GNB5: variants seen among roughly 807,000 people sequenced by gnomAD.
The protein encoded by GNB5 is G protein subunit beta 5.
A neutral mutation model predicts 55.3 loss-of-function variants in GNB5; 37 were observed. That is an observed-to-expected ratio of 0.67 (90% CI 0.51 to 0.88). The LOEUF is 0.88. GNB5 is among the 40% of genes least tolerant of loss of function. The pLI is 0.00. For missense variants in GNB5, 476 were observed against 515.3 expected (o/e 0.92, Z 0.74); for synonymous variants, 219 against 198.5 (o/e 1.10, Z -0.87).
At position 52,150,699 on chromosome 15, in the gene GNB5, C is replaced by G. The variant is rs532895647; in HGVS notation, c.376-774G>C. ...TCACTGTAACCCAGCTGTGGCCTCC[C>G]ATGGGTGTGGGTTGTGACTACAGCA... On this transcript the variant is annotated intron_variant, in intron 4 of 12. Transcript: ENST00000261837. 1.0e-3 allele frequency among the ~76,000 whole-genome samples: 156 copies of G among 152,250 alleles called. 4 individuals are homozygous for G. The South Asian group carries it at 0.031, about 31-fold the overall frequency.
chr15:52,178,911 C>T (rs906335198), intron 3 of GNB5, among the ~76,000 whole-genome samples: 1 of 152,204 alleles, frequency 6.6e-6, no homozygotes, highest in East Asian at 1.9e-4. Context: ...GGAGATGCCA[C>T]CCTCAGAGCT....
At chr15:52,140,684 A>G (rs2033831841) in intron 7 of GNB5, among the ~76,000 whole-genome samples, 1 of 152,262 alleles carries the variant, frequency 6.6e-6, no homozygotes, top group Admixed American at 6.5e-5. Context: ...TTTTCACTGT[A>G]GTGTATTTAA....
rs1243957202 is a variant in GNB5, at chr15:52,117,089, A to AATTTATATATATATATATATAT, written c.*5667_*5668insATATATATATATATATATAAAT. 2 of 85,478 alleles carry AATTTATATATATATATATATAT rather than the reference A, an allele frequency of 2.3e-5. No homozygotes were observed. Among genetic ancestry groups the AATTTATATATATATATATATAT allele is most frequent in the South Asian group, 3.4e-4 (1 of 2,916 alleles). 5.3% of individuals were successfully genotyped at this position (85,478 alleles called of 1,614,324 possible). A position where few individuals can be genotyped will look rare whatever the true frequency, so the allele number is the denominator to read the frequency against. ...CAGGCACCTGCCACCACGCCCAGCT[A>AATTTATATATATATATATATAT]ATATATATATATATTTTTTTTTAGT... On this transcript the variant is annotated 3_prime_UTR_variant, in exon 13 of 13. Coordinates refer to ENST00000261837, the MANE Select transcript of GNB5 (RefSeq NM_016194.4).
chr15:52,133,259 C>T (rs1380838627), intron 9 of GNB5, 119 bp downstream of exon 9: 7 of 650,392 alleles, frequency 1.1e-5, no homozygotes, highest in South Asian at 3.7e-5. Context: ...CCTTTCTTCC[C>T]GGGGAGGCCT....
intron 3 of GNB5, 125 bp downstream of exon 3, chr15:52,179,643 C>G: frequency 2.3e-6 from 1 of 437,814 alleles, no homozygotes; most frequent in South Asian, 9.2e-5. Flanking sequence ...GGGCCCTGCT[C>G]CCGGGCGGTG....
In GNB5 at chr15:52,117,889, T is replaced by G. The variant is rs111842507; in HGVS notation, c.*4868A>C. 2.5e-3 allele frequency: 379 copies of G among 152,712 alleles called. 5 individuals carry two copies. Among genetic ancestry groups the G allele is most frequent in the African/African-American group, 8.1e-3 (336 of 41,596 alleles). 9.5% of individuals were successfully genotyped at this position (152,712 alleles called of 1,614,324 possible). On this transcript the variant is annotated 3_prime_UTR_variant, in exon 13 of 13. Transcript: ENST00000261837. Reference sequence around the variant, plus strand: ...GAACCTGCCATGGGTGGGACGATTCTTCTCAGCAGGCAAGTTTGGGAAATG... The same window carrying G: ...GAACCTGCCATGGGTGGGACGATTCGTCTCAGCAGGCAAGTTTGGGAAATG...
rs1291492301 is a variant in GNB5 at position 52,119,234 on chromosome 15, G to C, written c.*3523C>G. On this transcript the variant is annotated 3_prime_UTR_variant, in exon 13 of 13. Coordinates refer to ENST00000261837, the MANE Select transcript of GNB5 (RefSeq NM_016194.4). ...AAAGGAGTCCGGATGAATGAGGAGA[G>C]GGGGAGGGGGCAGAGAAGAGGAAAG... 1 of 131,022 alleles carries C rather than the reference G, an allele frequency of 7.6e-6. No homozygotes were observed. Among genetic ancestry groups the C allele is most frequent in the Non-Finnish European group, 1.6e-5 (1 of 62,192 alleles). The allele number at this position is 131,022 out of a possible 1,614,324, so 8.1% of individuals were successfully genotyped here.
chr15:52,145,457 T>A (rs1011719823), intron 6 of GNB5, among the ~76,000 whole-genome samples: 2 of 150,238 alleles, frequency 1.3e-5, no homozygotes, highest in Admixed American at 1.4e-4. Flanking sequence ...CTGGCCAACA[T>A]GGTAAAACCC....
At chr15:52,156,821 C>T (rs1408738489) in intron 3 of GNB5, among the ~76,000 whole-genome samples, 1 of 152,170 alleles carries the variant, frequency 6.6e-6, no homozygotes, top group African/African-American at 2.4e-5. Context: ...TATGCCATTG[C>T]TTCTGCTAAA....
chr15:52,179,213 C>A (rs2034711185), intron 3 of GNB5, among the ~76,000 whole-genome samples: 1 of 152,198 alleles, frequency 6.6e-6, no homozygotes, highest in East Asian at 1.9e-4. Context: ...GTGAGCTCCT[C>A]CGTTTCCCTT....
At chr15:52,183,674 TTTG>T (rs888953802) in intron 2 of GNB5, among the ~76,000 whole-genome samples, 8 of 152,130 alleles carry the variant, frequency 5.3e-5, no homozygotes, top group Non-Finnish European at 1.0e-4. Flanking sequence ...TATTATGGAT[TTTG>T]TTGTTGTTTT....
rs1566935766 is a variant in GNB5, at chr15:52,136,161, CA to C, written c.628-406del. ...ACACACACACACACACACACACACA[CA>C]CACACACACACCCTACCTGCTGTAT... On this transcript the variant is annotated intron_variant, in intron 7 of 12. Transcript: ENST00000261837. 1.8e-4 allele frequency among the ~76,000 whole-genome samples: 24 copies of C among 130,512 alleles called. 2 individuals carry two copies. Among genetic ancestry groups the C allele is most frequent in the African/African-American group, 6.8e-4 (23 of 33,630 alleles). 85.6% of individuals were successfully genotyped at this position (130,512 alleles called of 152,430 possible).
intron 2 of GNB5, among the ~76,000 whole-genome samples, chr15:52,183,066 C>T (rs1483473326): frequency 6.6e-6 from 1 of 152,172 alleles, no homozygotes; most frequent in Non-Finnish European, 1.5e-5. Flanking sequence ...GCACGAGAAT[C>T]ACTTGAACCC....
At chr15:52,145,804 C>T (rs959897153) in intron 6 of GNB5, among the ~76,000 whole-genome samples, 14 of 152,050 alleles carry the variant, frequency 9.2e-5, no homozygotes, top group African/African-American at 3.4e-4. Flanking sequence ...GGAGAGGGCT[C>T]CAAAGCATTT....
At chr15:52,175,560 G>A (rs1478501938) in intron 3 of GNB5, among the ~76,000 whole-genome samples, 2 of 151,720 alleles carry the variant, frequency 1.3e-5, no homozygotes, top group African/African-American at 2.4e-5. Context: ...CCAACATGGT[G>A]AAACCCGGTC....
At chr15:52,164,717 C>T (rs1218355844) in intron 3 of GNB5, among the ~76,000 whole-genome samples, 1 of 151,926 alleles carries the variant, frequency 6.6e-6, no homozygotes, top group East Asian at 1.9e-4. Context: ...AGGTCAGCAA[C>T]CTCAAAGACT....
intron 6 of GNB5, chr15:52,147,226 C>A: frequency 3.8e-5 from 12 of 314,232 alleles, no homozygotes; most frequent in Non-Finnish European, 6.5e-5. Context: ...TGGACTTGAA[C>A]TCCTGGGCTC....
At position 52,187,972 on chromosome 15, in the gene GNB5, AAAT is replaced by A. The variant is rs1313696350; in HGVS notation, c.-18-3281_-18-3279del. Among the ~76,000 whole-genome samples the A allele has an allele frequency of 3.2e-3, 473 of 149,800 alleles. 1 individual carries two copies. The highest frequency in any genetic ancestry group is 0.011 in the African/African-American group (451 of 41,332). ...TCAAAGAAAATTAAAAATTAAAAAT[AAAT>A]AAATAAATAAGTGGAAACAGAAGGA... On this transcript the variant is annotated intron_variant, in intron 1 of 12. Transcript: ENST00000261837.
chr15:52,181,487 G>A (rs559327454), intron 2 of GNB5, among the ~76,000 whole-genome samples: 21 of 152,230 alleles, frequency 1.4e-4, no homozygotes, highest in African/African-American at 5.1e-4. Context: ...GTGGTGGTAC[G>A]TGCCTGTAAC....
Sources: allele counts gnomAD v4.1 joint callset (sites outside exome capture counted in the v4.1 genomes callset), GRCh38; gene constraint gnomAD v4.1.1; transcripts MANE v1.5; gene names NCBI Gene and HGNC (gene_info 2026-07-23, HGNC 2026-07-21).